LRRTM4: variants seen among roughly 807,000 people sequenced by gnomAD.
The protein encoded by LRRTM4 is leucine-rich repeat transmembrane neuronal protein 4.
Under a neutral mutation model 47.6 loss-of-function variants are expected in LRRTM4, and 25 were observed. The observed-to-expected ratio is 0.53, with a 90% CI of 0.38 to 0.73. The LOEUF is 0.73. Ranked by LOEUF, LRRTM4 falls within the 30% of genes least tolerant of loss-of-function variation. The probability of loss-of-function intolerance (pLI) is 0.00; values close to 1 mark genes in which losing one functional copy is unlikely to be tolerated. For missense variants in LRRTM4, 638 were observed against 713.4 expected, an observed-to-expected ratio of 0.89 and a Z score of 1.20; for synonymous variants, 311 against 269.5, an observed-to-expected ratio of 1.15 and a Z score of -1.51.
intron 3 of LRRTM4, among the ~76,000 whole-genome samples, chr2:76,836,523 G>A (rs777361845): frequency 5.4e-5 from 8 of 149,190 alleles, no homozygotes; most frequent in African/African-American, 7.4e-5. Context: ...CCCACCCCTC[G>A]CCATTTTTAG....
intron 3 of LRRTM4, among the ~76,000 whole-genome samples, chr2:77,061,101 TAG>T (rs1299102233): frequency 6.7e-6 from 1 of 148,330 alleles, no homozygotes; most frequent in Non-Finnish European, 1.5e-5. Context: ...GACAAGCCAT[TAG>T]AGTTTTTTTT....
chr2:76,793,539 T>A (rs904867271), intron 3 of LRRTM4, among the ~76,000 whole-genome samples: 1 of 152,156 alleles, frequency 6.6e-6, no homozygotes, highest in Non-Finnish European at 1.5e-5. Flanking sequence ...AGAGCTACAT[T>A]GTATTTTTAT....
At chr2:76,881,187 A>C (rs1929447) in intron 3 of LRRTM4, among the ~76,000 whole-genome samples, 77,257 of 151,920 alleles carry the variant, frequency 0.51, 20,242 homozygotes, top group East Asian at 0.76. Flanking sequence ...GAAACATCAC[A>C]TCATAAATAT....
intron 3 of LRRTM4, among the ~76,000 whole-genome samples, chr2:77,072,450 G>A (rs1051252575): frequency 6.6e-6 from 1 of 152,098 alleles, no homozygotes; most frequent in African/African-American, 2.4e-5. Flanking sequence ...TGAATCCAAA[G>A]ATTTAGAGCA....
At chr2:77,282,379 T>C (rs1676529721) in intron 3 of LRRTM4, among the ~76,000 whole-genome samples, 1 of 151,880 alleles carries the variant, frequency 6.6e-6, no homozygotes, top group African/African-American at 2.4e-5. Context: ...TCATATTATC[T>C]ACAAAGAGAG....
At chr2:77,037,384 C>A (rs1021165714) in intron 3 of LRRTM4, among the ~76,000 whole-genome samples, 1 of 151,726 alleles carries the variant, frequency 6.6e-6, no homozygotes, top group Non-Finnish European at 1.5e-5. Context: ...ACTCAGTCAC[C>A]ACAATCTCTG....
intron 3 of LRRTM4, among the ~76,000 whole-genome samples, chr2:77,210,171 G>A (rs1262615495): frequency 1.3e-5 from 2 of 152,172 alleles, no homozygotes; most frequent in Non-Finnish European, 2.9e-5. Flanking sequence ...GAAACCAAGA[G>A]CAAAATAGCG....
chr2:76,834,221 T>G (rs76168825), intron 3 of LRRTM4, among the ~76,000 whole-genome samples: 1 of 150,788 alleles, frequency 6.6e-6, no homozygotes, highest in Non-Finnish European at 1.5e-5. Flanking sequence ...TTTTTTTTTT[T>G]TGTATTTTTA....
intron 3 of LRRTM4, among the ~76,000 whole-genome samples, chr2:76,929,897 C>G (rs1376338902): frequency 6.6e-6 from 1 of 150,474 alleles, no homozygotes; most frequent in Non-Finnish European, 1.5e-5. Context: ...TACTAAAATT[C>G]TAAAAATGTG....
intron 3 of LRRTM4, among the ~76,000 whole-genome samples, chr2:76,897,977 T>A (rs1673479840): frequency 1.3e-5 from 2 of 152,146 alleles, no homozygotes; most frequent in Admixed American, 1.3e-4. Flanking sequence ...AATTTAATCT[T>A]TTTATGTTTC....
chr2:77,281,531 G>C (rs1347213013), intron 3 of LRRTM4, among the ~76,000 whole-genome samples: 6 of 151,888 alleles, frequency 4.0e-5, no homozygotes, highest in African/African-American at 1.2e-4. Flanking sequence ...AAAATTAGTA[G>C]GGGTGAAGTA....
At chr2:76,880,491 G>C (rs554072016) in intron 3 of LRRTM4, among the ~76,000 whole-genome samples, 1 of 152,016 alleles carries the variant, frequency 6.6e-6, no homozygotes, top group African/African-American at 2.4e-5. Flanking sequence ...AACTAGAGTA[G>C]AGTTTAACAT....
intron 3 of LRRTM4, among the ~76,000 whole-genome samples, chr2:76,757,793 G>A (rs988083026): frequency 1.4e-4 from 21 of 152,000 alleles, no homozygotes; most frequent in Non-Finnish European, 1.0e-4. Flanking sequence ...CTCCTAAAAC[G>A]GAAAACAGTG....
intron 3 of LRRTM4, among the ~76,000 whole-genome samples, chr2:77,374,436 T>A (rs559166889): frequency 6.6e-6 from 1 of 151,852 alleles, no homozygotes; most frequent in African/African-American, 2.4e-5. Context: ...TAGACAGATA[T>A]TGTTTTCACA....
chr2:77,140,674 C>G (rs77652752), intron 3 of LRRTM4, among the ~76,000 whole-genome samples: 1 of 152,228 alleles, frequency 6.6e-6, no homozygotes, highest in African/African-American at 2.4e-5. Context: ...AAACTACCAT[C>G]ACAGTGAACA....
chr2:76,898,972 G>T (rs1448935490), intron 3 of LRRTM4, among the ~76,000 whole-genome samples: 2 of 151,912 alleles, frequency 1.3e-5, no homozygotes, highest in African/African-American at 4.8e-5. Flanking sequence ...GTTTATACAA[G>T]GATGTTCTCT....
At chr2:77,454,023 A>G (rs1676366614) in intron 3 of LRRTM4, among the ~76,000 whole-genome samples, 1 of 152,116 alleles carries the variant, frequency 6.6e-6, no homozygotes, top group African/African-American at 2.4e-5. Context: ...AATGGATTCC[A>G]CCTGTCACCT....
rs561784196 is a variant in LRRTM4, at chr2:77,370,899, C to T, written c.1551+147419G>A. 3.3e-5 allele frequency among the ~76,000 whole-genome samples: 5 copies of T among 151,720 alleles called. No individual in the cohort carries two copies. In the Admixed American group the frequency reaches 3.3e-4, roughly 10 times the overall value. The stretch of plus-strand genomic sequence containing the variant: ...TCAATGATAAAAGGAACTGAGGCAT[C>T]CATACAAATTAACACTAGTTTCATG... On this transcript the variant is annotated intron_variant, in intron 3 of 3. Transcript: ENST00000409884.
At chr2:77,477,931 G>T (rs1385123441) in intron 3 of LRRTM4, among the ~76,000 whole-genome samples, 8 of 132,222 alleles carry the variant, frequency 6.1e-5, no homozygotes, top group African/African-American at 1.8e-4. Flanking sequence ...AAGAAAGAAA[G>T]AAAGAAAGAA....
Sources: gnomAD v4.1 joint callset for allele counts (sites outside exome capture counted in the v4.1 genomes callset) on GRCh38, gnomAD v4.1.1 for gene constraint, MANE v1.5 for transcripts, NCBI Gene and HGNC (gene_info 2026-07-23, HGNC 2026-07-21) for gene names.